Variants in CSNK1A1 observed in about 807,000 individuals in gnomAD.
The protein encoded by CSNK1A1 is casein kinase I isoform alpha.
A neutral mutation model predicts 46.1 loss-of-function variants in CSNK1A1; 7 were observed. The ratio of observed to expected loss-of-function variants is 0.15; its 90% confidence interval spans 0.09 to 0.29. CSNK1A1 has a LOEUF of 0.29. Ranked by LOEUF, CSNK1A1 falls within the 10% of genes least tolerant of loss-of-function variation. The pLI, the probability that CSNK1A1 is intolerant of heterozygous loss-of-function variation, is 1.00. For synonymous variants in CSNK1A1, 137 were observed against 141.5 expected, an observed-to-expected ratio of 0.97 and a Z score of 0.23; for missense variants, 96 against 417.1, an observed-to-expected ratio of 0.23 and a Z score of 6.71.
intron 9 of CSNK1A1, chr5:149,501,763 C>T (rs1032496644): frequency 2.2e-5 from 22 of 984,898 alleles, no homozygotes; most frequent in Non-Finnish European, 2.5e-5. Context: ...AAACACTGAA[C>T]TTCATTAGAT....
chr5:149,504,615 A>G, intron 9 of CSNK1A1: 1 of 985,408 alleles, frequency 1.0e-6, no homozygotes, highest in Non-Finnish European at 1.2e-6. Context: ...TACAGGCAGT[A>G]AGAGTGCCAA....
chr5:149,497,210 ATTGCT>A (rs1321061854), intron 9 of CSNK1A1: 12 of 1,027,212 alleles, frequency 1.2e-5, no homozygotes, highest in South Asian at 8.3e-5. Flanking sequence ...TGAAAAACAG[ATTGCT>A]TTGCTTTAAC....
rs150463644 is a variant in CSNK1A1, at chr5:149,500,504, C to T, written c.1007-3644G>A. ...GTGTCAGCCAGGATGGTCTCAATCT[C>T]CTGACCTCACGATCTGCCCGCCTCA... On this transcript the variant is annotated intron_variant, in intron 9 of 9. Coordinates refer to ENST00000377843, the MANE Select transcript of CSNK1A1 (RefSeq NM_001892.6). Among the ~76,000 whole-genome samples, 462 of 151,918 alleles carry T rather than the reference C, an allele frequency of 3.0e-3. 3 individuals carry two copies. Among genetic ancestry groups the T allele is most frequent in the African/African-American group, 0.011 (440 of 41,438 alleles).
chr5:149,499,364 T>C, intron 9 of CSNK1A1: 2 of 602,316 alleles, frequency 3.3e-6, no homozygotes, highest in Non-Finnish European at 4.2e-6. Context: ...AAGAAGTTAA[T>C]AGCTTAATTA....
intron 8 of CSNK1A1, among the ~76,000 whole-genome samples, chr5:149,505,899 T>A (rs1761007311): frequency 6.6e-6 from 1 of 152,120 alleles, no homozygotes; most frequent in Admixed American, 6.5e-5. Context: ...GGGAAGACAC[T>A]TTTCTGGGGT....
intron 3 of CSNK1A1, among the ~76,000 whole-genome samples, chr5:149,523,206 A>C (rs1430942813): frequency 6.6e-6 from 1 of 151,864 alleles, no homozygotes; most frequent in African/African-American, 2.4e-5. Flanking sequence ...ACGCCTGGCT[A>C]ATTTTTGTAC....
chr5:149,503,064 C>T (rs1342007373), intron 9 of CSNK1A1: 3 of 985,240 alleles, frequency 3.0e-6, no homozygotes, highest in Non-Finnish European at 2.4e-6. Context: ...CTGCACCCAG[C>T]TGAGTTATTC....
In CSNK1A1 at chr5:149,496,792, T is replaced by G; in HGVS notation, c.*61A>C. 1 of 1,542,538 alleles carries G rather than the reference T, an allele frequency of 6.5e-7. No individual in the cohort carries two copies. The highest frequency in any genetic ancestry group is 1.2e-5 in the South Asian group (1 of 80,526). On this transcript the variant is annotated 3_prime_UTR_variant, in exon 10 of 10. Coordinates refer to ENST00000377843, the MANE Select transcript of CSNK1A1 (RefSeq NM_001892.6). Reference sequence around the variant, plus strand: ...ACATATGAACTAAAATTTCTAGATTTGGGGAGAAACAAATGCTGCTCCGAT... The same window carrying G: ...ACATATGAACTAAAATTTCTAGATTGGGGGAGAAACAAATGCTGCTCCGAT...
At chr5:149,537,429 C>T (rs967471650) in intron 2 of CSNK1A1, among the ~76,000 whole-genome samples, 3 of 151,912 alleles carry the variant, frequency 2.0e-5, no homozygotes, top group African/African-American at 7.3e-5. Flanking sequence ...TGCCAACAAC[C>T]AAGACAATAC....
intron 4 of CSNK1A1, among the ~76,000 whole-genome samples, chr5:149,513,711 C>A (rs979775151): frequency 1.3e-5 from 2 of 151,912 alleles, no homozygotes; most frequent in Non-Finnish European, 2.9e-5. Flanking sequence ...ACCAGCCTGA[C>A]CAAACATGGC....
At chr5:149,500,735 G>T (rs1188056424) in intron 9 of CSNK1A1, among the ~76,000 whole-genome samples, 1 of 151,796 alleles carries the variant, frequency 6.6e-6, no homozygotes, top group Non-Finnish European at 1.5e-5. Flanking sequence ...CTGCTTGTGT[G>T]GTTCTGTTTG....
chr5:149,536,936 G>A (rs1762077687), intron 2 of CSNK1A1, among the ~76,000 whole-genome samples: 1 of 152,186 alleles, frequency 6.6e-6, no homozygotes, highest in Non-Finnish European at 1.5e-5. Context: ...CTCTGTGTAA[G>A]TGATTTCTGC....
At chr5:149,533,370 G>A (rs1761957781) in intron 2 of CSNK1A1, among the ~76,000 whole-genome samples, 1 of 152,002 alleles carries the variant, frequency 6.6e-6, no homozygotes, top group Non-Finnish European at 1.5e-5. Flanking sequence ...TTTAAGGGAG[G>A]CATCAGGGAA....
chr5:149,548,387 C>G (rs999283785), intron 2 of CSNK1A1, among the ~76,000 whole-genome samples: 15 of 139,318 alleles, frequency 1.1e-4, no homozygotes, highest in African/African-American at 4.1e-4. Context: ...GCCAACACGG[C>G]AAAACCTCAG....
In CSNK1A1 at chr5:149,525,344, G is replaced by C. The variant is rs920621762; in HGVS notation, c.231-173C>G. On this transcript the variant is annotated intron_variant, in intron 2 of 9. Transcript: ENST00000377843. The surrounding 1 kb of genome is among the most constrained non-coding windows in gnomAD (Gnocchi z 4.2). ...TACAAGGCCCAAAGACAAAACAAGG[G>C]TAATGAGACTTTTTTTTTTCCCTGT... is the stretch of plus-strand genomic sequence containing the variant. Among the ~76,000 whole-genome samples the C allele has an allele frequency of 7.9e-5, 12 of 152,108 alleles. No individual in the cohort carries two copies. Among genetic ancestry groups the C allele is most frequent in the Non-Finnish European group, 1.3e-4 (9 of 67,988 alleles).
intron 9 of CSNK1A1, chr5:149,498,342 A>T: frequency 1.0e-6 from 1 of 985,394 alleles, no homozygotes; most frequent in Non-Finnish European, 1.2e-6. Flanking sequence ...AGATAACATA[A>T]CTTTGAGAAT....
chr5:149,499,375 A>C, intron 9 of CSNK1A1: 1 of 583,180 alleles, frequency 1.7e-6, no homozygotes, highest in Non-Finnish European at 2.2e-6. Flanking sequence ...AGCTTAATTA[A>C]ATTTCAAATC....
At chr5:149,528,537 T>C (rs547549944) in intron 2 of CSNK1A1, among the ~76,000 whole-genome samples, 9 of 152,352 alleles carry the variant, frequency 5.9e-5, no homozygotes, top group African/African-American at 2.2e-4. Context: ...AATGGTCTTC[T>C]GCTTATTCCA....
chr5:149,513,066 T>C lies in CSNK1A1; in HGVS notation c.596+4A>G, dbSNP rs1761281115. On this transcript the variant is annotated splice_donor_region_variant and intron_variant, in intron 5 of 9. Coordinates refer to ENST00000377843, the MANE Select transcript of CSNK1A1 (RefSeq NM_001892.6). ...TGATAAGCACATTCCATTTTCGAACTTACCTCTGCTCAATACCAAGATGTG... is the reference window on the plus strand; with the variant it reads ...TGATAAGCACATTCCATTTTCGAACCTACCTCTGCTCAATACCAAGATGTG... 1 of 1,613,010 alleles carries C rather than the reference T, an allele frequency of 6.2e-7. No homozygotes were observed. The highest frequency in any genetic ancestry group is 8.5e-7 in the Non-Finnish European group (1 of 1,179,672).
Sources: gnomAD v4.1 joint callset for allele counts (sites outside exome capture counted in the v4.1 genomes callset) on GRCh38, gnomAD v4.1.1 for gene constraint, Gnocchi (gnomAD v3.1) non-coding constraint, MANE v1.5 for transcripts, NCBI Gene and HGNC (gene_info 2026-07-23, HGNC 2026-07-21) for gene names.